Variants in OTC observed in about 807,000 individuals in gnomAD.
The protein encoded by OTC is ornithine transcarbamylase.
In OTC, 3 loss-of-function variants were observed where a neutral mutation model predicts 30.3. That is an observed-to-expected ratio of 0.10 (90% CI 0.05 to 0.26). OTC has a LOEUF of 0.26. Among genes scored for constraint, OTC ranks in the 10% least tolerant of loss-of-function variants. The pLI, the probability that OTC is intolerant of heterozygous loss-of-function variation, is 1.00. For missense variants in OTC, 194 were observed against 260.3 expected (o/e 0.75, Z 1.75); for synonymous variants, 111 against 99.7 (o/e 1.11, Z -0.67).
chrX:38,365,284 A>T (rs1484578907), intron 1 of OTC, among the ~76,000 whole-genome samples: 2 of 113,330 alleles, frequency 1.8e-5, no homozygotes, highest in African/African-American at 6.4e-5. Flanking sequence ...ATTGTTAAAC[A>T]CAGATAACAC....
At chrX:38,342,965 A>C in the OTC span, among the ~76,000 whole-genome samples, 1 of 112,070 alleles carries the variant, frequency 8.9e-6, no homozygotes, top group Non-Finnish European at 1.9e-5. Context: ...CCAATAAAGC[A>C]ATCAATAGCA....
At chrX:38,382,437 G>A (rs1178769970) in intron 4 of OTC, among the ~76,000 whole-genome samples, 1 of 112,238 alleles carries the variant, frequency 8.9e-6, no homozygotes, top group Non-Finnish European at 1.9e-5. Flanking sequence ...GATAACGTCT[G>A]CTTTTTATGG....
chrX:38,396,552 C>T (rs1216222719), intron 4 of OTC, among the ~76,000 whole-genome samples: 1 of 111,065 alleles, frequency 9.0e-6, no homozygotes, highest in African/African-American at 3.3e-5. Context: ...GACGGGTGAT[C>T]ACCTGAGGTC....
In OTC at chrX:38,409,052, T is replaced by C. The variant is rs368863289; in HGVS notation, c.867+27T>C. ...TACAAATTGATGCCTCTCTGAAGGT[T>C]CATTAATTCCATTCATGAAGGCCAG... On this transcript the variant is annotated intron_variant, in intron 8 of 9. Coordinates refer to ENST00000039007, the MANE Select transcript of OTC (RefSeq NM_000531.6). 3.3e-5 allele frequency: 39 copies of C among 1,196,514 alleles called. No homozygotes were observed. The African/African-American group carries it at 6.7e-4, about 20-fold the overall frequency.
intron 1 of OTC, among the ~76,000 whole-genome samples, chrX:38,355,718 G>A (rs2068236965): frequency 8.9e-6 from 1 of 112,071 alleles, no homozygotes; most frequent in Admixed American, 9.4e-5. Context: ...TCACAATGTC[G>A]AAACTTAAAA....
upstream of OTC, chrX:38,352,543 C>T (rs2068223128): frequency 2.0e-6 from 1 of 489,448 alleles, no homozygotes; most frequent in Non-Finnish European, 3.6e-6. Flanking sequence ...GTATCTCTAA[C>T]CAGGGGACTT....
chrX:38,343,118 G>A, the OTC span, among the ~76,000 whole-genome samples: 1 of 112,022 alleles, frequency 8.9e-6, no homozygotes, highest in African/African-American at 3.2e-5. Context: ...TGTTTCCTGG[G>A]CTCAAGGGGA....
chrX:38,405,272 C>G, intron 6 of OTC, among the ~76,000 whole-genome samples: 1 of 111,944 alleles, frequency 8.9e-6, no homozygotes, highest in Admixed American at 9.5e-5. Flanking sequence ...TAACAAATTA[C>G]TACAAACTAC....
At chrX:38,415,965 T>C (rs1181074942) in intron 9 of OTC, among the ~76,000 whole-genome samples, 1 of 112,501 alleles carries the variant, frequency 8.9e-6, no homozygotes, top group Non-Finnish European at 1.9e-5. Flanking sequence ...GCTACACTAT[T>C]GGTATTGGAC....
intron 3 of OTC, among the ~76,000 whole-genome samples, chrX:38,375,843 G>A (rs746216353): frequency 9.0e-6 from 1 of 111,162 alleles, no homozygotes; most frequent in Non-Finnish European, 1.9e-5. Flanking sequence ...ATTATAAAGA[G>A]AGTAAGTGTA....
rs752471746 is a variant in OTC, at chrX:38,375,143, A to C, written c.298+5266A>C. ...CAGTAGACAAAACAGATGAAAATCC[A>C]TGCCTTCATGGGGCTTACATTCTAG... On this transcript the variant is annotated intron_variant, in intron 3 of 9. Coordinates refer to ENST00000039007, the MANE Select transcript of OTC (RefSeq NM_000531.6). 9.0e-4 allele frequency among the ~76,000 whole-genome samples: 101 copies of C among 112,112 alleles called. 1 individual carries two copies. The highest frequency in any genetic ancestry group is 3.0e-3 in the African/African-American group (93 of 30,922).
chrX:38,367,533 A>C, intron 2 of OTC, 104 bp downstream of exon 2: 2 of 678,183 alleles, frequency 2.9e-6, no homozygotes, highest in South Asian at 4.8e-5. Context: ...ATTCTTAAAC[A>C]GTAGCTAAGT....
At chrX:38,332,528 A>ATATATATATATATATATATC in the OTC span, among the ~76,000 whole-genome samples, 2 of 90,585 alleles carry the variant, frequency 2.2e-5, no homozygotes, top group Non-Finnish European at 4.3e-5. Flanking sequence ...ATATATATAT[A>ATATATATATATATATATATC]TATATCATAT....
chrX:38,412,157 G>A (rs182813475), intron 9 of OTC, among the ~76,000 whole-genome samples, 158 bp downstream of exon 9: 66 of 111,975 alleles, frequency 5.9e-4, no homozygotes, highest in Admixed American at 9.5e-4. Flanking sequence ...TACATCATTA[G>A]TGCTTATTAG....
the OTC span, among the ~76,000 whole-genome samples, chrX:38,336,264 G>A: frequency 9.1e-6 from 1 of 109,948 alleles, no homozygotes; most frequent in Non-Finnish European, 1.9e-5. Flanking sequence ...GAGAGAAACA[G>A]TGAATTTCTA....
chrX:38,356,757 C>T (rs2068243929), intron 1 of OTC, among the ~76,000 whole-genome samples: 1 of 110,946 alleles, frequency 9.0e-6, no homozygotes, highest in African/African-American at 3.3e-5. Context: ...CGTGGGGTTT[C>T]GCTGGGGGTC....
chrX:38,396,821 T>C (rs1016295201), intron 4 of OTC, among the ~76,000 whole-genome samples: 2 of 111,920 alleles, frequency 1.8e-5, no homozygotes, highest in East Asian at 5.5e-4. Context: ...ACTAAGTTAG[T>C]ATTTTGGAGT....
rs549826990 is a variant in OTC at position 38,366,696 on chromosome X, T to C, written c.78-595T>C. Among the ~76,000 whole-genome samples the C allele has an allele frequency of 1.7e-4, 19 of 111,960 alleles. No homozygotes were observed. In the South Asian group the frequency reaches 7.0e-3, roughly 42 times the overall value. On this transcript the variant is annotated intron_variant, in intron 1 of 9. Coordinates refer to ENST00000039007, the MANE Select transcript of OTC (RefSeq NM_000531.6). ...GAGTGGGTAAATAAACTGCCCTAGG[T>C]TGTGTGACTAGTAAGTGACAAAGCC...
At chrX:38,421,871 C>CAT (rs1185359215), downstream of OTC, among the ~76,000 whole-genome samples, 2 of 111,537 alleles carry the variant, frequency 1.8e-5, no homozygotes, top group African/African-American at 6.5e-5. Flanking sequence ...CTACTCACAC[C>CAT]ATATGCTGAA....
Sources: allele counts gnomAD v4.1 joint callset (sites outside exome capture counted in the v4.1 genomes callset), GRCh38; gene constraint gnomAD v4.1.1; transcripts MANE v1.5; gene names NCBI Gene and HGNC (gene_info 2026-07-23, HGNC 2026-07-21).